The following HPSE2 variants were observed in gnomAD, a reference collection of about 807,000 sequenced individuals.
HPSE2 encodes the protein heparanase 2 (inactive).
In HPSE2, 38 loss-of-function variants were observed where a neutral mutation model predicts 60.5. The ratio of observed to expected loss-of-function variants is 0.63; its 90% CI spans 0.48 to 0.82. The LOEUF (loss-of-function observed/expected upper bound fraction) is 0.82, where lower values mean the gene tolerates loss of function less well. HPSE2 is among the 40% of genes least tolerant of loss of function. The pLI is 0.00. For missense variants in HPSE2, 713 were observed against 740.4 expected, an observed-to-expected ratio of 0.96 and a Z score of 0.43; for synonymous variants, 295 against 293.2, an observed-to-expected ratio of 1.01 and a Z score of -0.06.
In HPSE2 at chr10:98,939,202, A is replaced by T. The variant is rs537612161; in HGVS notation, c.611-195146T>A. Among the ~76,000 whole-genome samples, 5 of 143,978 alleles carry T rather than the reference A, an allele frequency of 3.5e-5. No individual in the cohort carries two copies. In the South Asian group the frequency reaches 8.4e-4, roughly 24 times the overall value. 94.5% of individuals were successfully genotyped at this position (143,978 alleles called of 152,430 possible). On this transcript the variant is annotated intron_variant, in intron 3 of 11. Transcript: ENST00000370552. The stretch of plus-strand genomic sequence containing the variant: ...CTAACGAGCAAAATAACCAGCTAAC[A>T]TCATAATGACAGGATAAATTCACAC...
chr10:99,178,918 A>T (rs1847644914), intron 2 of HPSE2, among the ~76,000 whole-genome samples: 1 of 152,190 alleles, frequency 6.6e-6, no homozygotes, highest in South Asian at 2.1e-4. Flanking sequence ...AAACTTATCC[A>T]CCACGATCAA....
At chr10:98,815,947 T>C (rs985509043) in intron 3 of HPSE2, among the ~76,000 whole-genome samples, 1 of 148,596 alleles carries the variant, frequency 6.7e-6, no homozygotes, top group African/African-American at 2.5e-5. Context: ...AAACACCGCA[T>C]GTTCTCACTC....
At chr10:99,005,905 T>C (rs1159377609) in intron 3 of HPSE2, among the ~76,000 whole-genome samples, 1 of 152,174 alleles carries the variant, frequency 6.6e-6, no homozygotes, top group Non-Finnish European at 1.5e-5. Flanking sequence ...CTGGAGTCTT[T>C]GGACATGTAG....
At chr10:98,737,941 C>A (rs973180396) in intron 4 of HPSE2, among the ~76,000 whole-genome samples, 1 of 152,162 alleles carries the variant, frequency 6.6e-6, no homozygotes, top group South Asian at 2.1e-4. Context: ...CATCAAGCTA[C>A]CATTGACTTT....
chr10:99,096,840 A>G (rs1843735328), intron 3 of HPSE2, among the ~76,000 whole-genome samples: 1 of 152,148 alleles, frequency 6.6e-6, no homozygotes, highest in Non-Finnish European at 1.5e-5. Flanking sequence ...TCAGGAGCAA[A>G]GGGGAATCCA....
chr10:98,893,845 A>G (rs1238283786), intron 3 of HPSE2, among the ~76,000 whole-genome samples: 5 of 151,970 alleles, frequency 3.3e-5, no homozygotes, highest in African/African-American at 1.2e-4. Flanking sequence ...AGTCAGACAG[A>G]GGATCCCTAT....
intron 3 of HPSE2, among the ~76,000 whole-genome samples, chr10:98,836,872 C>G (rs1226969476): frequency 6.6e-6 from 1 of 152,072 alleles, no homozygotes; most frequent in African/African-American, 2.4e-5. Flanking sequence ...AACCCCGTCT[C>G]TACTAAAAAT....
At chr10:98,944,921 A>G (rs1021150015) in intron 3 of HPSE2, among the ~76,000 whole-genome samples, 3 of 152,148 alleles carry the variant, frequency 2.0e-5, no homozygotes, top group Non-Finnish European at 4.4e-5. Flanking sequence ...CATTTTAATA[A>G]CCGGGGAAAC....
intron 11 of HPSE2, among the ~76,000 whole-genome samples, chr10:98,474,747 T>C (rs1390308518): frequency 3.9e-5 from 6 of 152,074 alleles, no homozygotes. Flanking sequence ...CTCATGCAGA[T>C]CTGAAATTTA....
At chr10:99,112,863 T>C (rs540303004) in intron 3 of HPSE2, among the ~76,000 whole-genome samples, 1 of 152,286 alleles carries the variant, frequency 6.6e-6, no homozygotes, top group African/African-American at 2.4e-5. Context: ...AGATCTGCTC[T>C]GGGAAAGTAG....
intron 4 of HPSE2, among the ~76,000 whole-genome samples, chr10:98,734,374 T>C (rs555806776): frequency 6.6e-6 from 1 of 152,306 alleles, no homozygotes; most frequent in South Asian, 2.1e-4. Flanking sequence ...TATCTAGAAG[T>C]GGAATTGTTG....
chr10:99,019,887 T>C (rs1340791583), intron 3 of HPSE2, among the ~76,000 whole-genome samples: 1 of 151,968 alleles, frequency 6.6e-6, no homozygotes, highest in Non-Finnish European at 1.5e-5. Flanking sequence ...AATTTTTGTA[T>C]TTTTAGTAGA....
chr10:98,656,126 G>A (rs1017536781), intron 6 of HPSE2, among the ~76,000 whole-genome samples: 5 of 144,012 alleles, frequency 3.5e-5, no homozygotes, highest in Non-Finnish European at 6.0e-5. Context: ...TTGCTCTGTT[G>A]CCCAGGCTGG....
chr10:99,112,985 T>C (rs969261290), intron 3 of HPSE2, among the ~76,000 whole-genome samples: 6 of 152,102 alleles, frequency 3.9e-5, no homozygotes, highest in African/African-American at 1.4e-4. Context: ...ATGGAAAATT[T>C]TAGTTCTGAC....
chr10:98,671,126 A>C (rs1041600565), intron 6 of HPSE2, among the ~76,000 whole-genome samples: 6 of 152,346 alleles, frequency 3.9e-5, no homozygotes, highest in African/African-American at 1.2e-4. Flanking sequence ...TAAAATCTGG[A>C]TCTATTTTGA....
At chr10:99,151,764 T>C (rs1396165766) in intron 2 of HPSE2, among the ~76,000 whole-genome samples, 2 of 151,882 alleles carry the variant, frequency 1.3e-5, no homozygotes, top group South Asian at 2.1e-4. Flanking sequence ...ATAAAGGAAA[T>C]ATTTAGCCAA....
At chr10:99,275,512 C>G in the HPSE2 span, among the ~76,000 whole-genome samples, 2 of 145,122 alleles carry the variant, frequency 1.4e-5, no homozygotes, top group African/African-American at 2.9e-5. Flanking sequence ...CTTAGACAAA[C>G]TGGAACATGT....
chr10:98,739,940 T>C (rs1949454981), intron 4 of HPSE2, among the ~76,000 whole-genome samples: 1 of 152,156 alleles, frequency 6.6e-6, no homozygotes, highest in African/African-American at 2.4e-5. Flanking sequence ...CTAGAATTTA[T>C]ATACACTTCC....
intron 2 of HPSE2, among the ~76,000 whole-genome samples, chr10:99,147,956 T>A (rs10883282): frequency 6.6e-6 from 1 of 151,978 alleles, no homozygotes; most frequent in Non-Finnish European, 1.5e-5. Flanking sequence ...AAATTAATGA[T>A]GTAAGATTTA....
Sources: allele counts gnomAD v4.1 joint callset (sites outside exome capture counted in the v4.1 genomes callset), GRCh38; gene constraint gnomAD v4.1.1; transcripts MANE v1.5; gene names NCBI Gene and HGNC (gene_info 2026-07-23, HGNC 2026-07-21).